TBC1D15: variants seen among roughly 807,000 people sequenced by gnomAD.
TBC1D15 encodes the protein TBC1 domain family member 15, also known as GAP for RAB7.
In TBC1D15, 39 loss-of-function variants were observed where a neutral mutation model predicts 95.4. The ratio of observed to expected loss-of-function variants is 0.41; its 90% CI spans 0.32 to 0.53. TBC1D15 has a LOEUF of 0.53. Ranked by LOEUF, TBC1D15 falls within the 20% of genes least tolerant of loss-of-function variation. TBC1D15 has a pLI of 0.29. For synonymous variants in TBC1D15, 258 were observed against 261.3 expected (o/e 0.99, Z 0.12); for missense variants, 733 against 794.3 (o/e 0.92, Z 0.93).
chr12:71,895,602 A>G (rs967289521), intron 7 of TBC1D15, among the ~76,000 whole-genome samples: 24 of 152,114 alleles, frequency 1.6e-4, no homozygotes, highest in African/African-American at 5.3e-4. Flanking sequence ...ATAATACAGC[A>G]TATCATTTGG....
chr12:71,862,959 T>C (rs1375190733), intron 1 of TBC1D15, among the ~76,000 whole-genome samples: 1 of 152,230 alleles, frequency 6.6e-6, no homozygotes, highest in South Asian at 2.1e-4. Context: ...GAAAAGACTT[T>C]TATTTCTCCC....
intron 5 of TBC1D15, among the ~76,000 whole-genome samples, chr12:71,885,878 A>G (rs943197945): frequency 6.6e-6 from 1 of 152,194 alleles, no homozygotes; most frequent in African/African-American, 2.4e-5. Context: ...GAGTACAAAC[A>G]TGATGTAATC....
At chr12:71,853,576 A>G (rs1888359231) in intron 1 of TBC1D15, among the ~76,000 whole-genome samples, 1 of 152,154 alleles carries the variant, frequency 6.6e-6, no homozygotes, top group Non-Finnish European at 1.5e-5. Flanking sequence ...TTTTTTTGTT[A>G]TAGGTCATAT....
intron 1 of TBC1D15, among the ~76,000 whole-genome samples, chr12:71,848,400 G>T (rs1384001613): frequency 1.3e-5 from 2 of 152,156 alleles, no homozygotes; most frequent in African/African-American, 4.8e-5. Flanking sequence ...GTGTAATAGT[G>T]TTTCATTATG....
At chr12:71,874,533 G>GAA (rs1025763493) in intron 3 of TBC1D15, among the ~76,000 whole-genome samples, 6 of 151,974 alleles carry the variant, frequency 3.9e-5, no homozygotes, top group African/African-American at 1.5e-4. Flanking sequence ...CACAGATACA[G>GAA]AACCCATGGC....
intron 4 of TBC1D15, among the ~76,000 whole-genome samples, chr12:71,883,299 T>C (rs1325893484): frequency 1.3e-5 from 2 of 152,136 alleles, no homozygotes; most frequent in African/African-American, 4.8e-5. Flanking sequence ...GAAGTGGTCT[T>C]ATGAGCTCTA....
intron 4 of TBC1D15, among the ~76,000 whole-genome samples, chr12:71,883,386 T>A (rs1211298756): frequency 6.6e-6 from 1 of 152,188 alleles, no homozygotes; most frequent in Non-Finnish European, 1.5e-5. Context: ...CTCTTACATG[T>A]GAGTTCACTG....
chr12:71,917,817 A>ACT lies in TBC1D15; in HGVS notation c.1501+21_1501+22dup. On this transcript the variant is annotated intron_variant, in intron 13 of 16. Coordinates refer to ENST00000485960, the MANE Select transcript of TBC1D15 (RefSeq NM_001146213.3). ...ACTTAGGTAAGTTTAGTGAATCAGA[A>ACT]CTATACCCAGCAAATTGTAGAGTAA... 6.7e-7 allele frequency: 1 copy of ACT among 1,501,622 alleles called. No individual in the cohort carries two copies. Among genetic ancestry groups the ACT allele is most frequent in the Non-Finnish European group, 9.3e-7 (1 of 1,080,294 alleles). 93.0% of individuals were successfully genotyped at this position (1,501,622 alleles called of 1,614,324 possible).
intron 15 of TBC1D15, 130 bp downstream of exon 15, chr12:71,920,977 G>A: frequency 1.5e-6 from 1 of 664,206 alleles, no homozygotes; most frequent in South Asian, 2.1e-5. Flanking sequence ...ACAGTGCTAG[G>A]AATGACTATC....
chr12:71,865,119 G>T (rs1236650510), intron 1 of TBC1D15, among the ~76,000 whole-genome samples: 2 of 152,122 alleles, frequency 1.3e-5, no homozygotes, highest in Non-Finnish European at 2.9e-5. Context: ...CTATGTGTAG[G>T]TGCTTGGAGC....
chr12:71,897,954 TAAC>T lies in TBC1D15; in HGVS notation c.1183+17_1183+19del, dbSNP rs771430608. On this transcript the variant is annotated intron_variant, in intron 10 of 16. Coordinates refer to ENST00000485960, the MANE Select transcript of TBC1D15 (RefSeq NM_001146213.3). ...AGAAGTCTTATCGGTAATTTTTTCT[TAAC>T]AACTTTGGAAATGCAAGGGGGGATT... 1.9e-6 allele frequency: 3 copies of T among 1,599,850 alleles called. No individual in the cohort carries two copies. The highest frequency in any genetic ancestry group is 2.6e-6 in the Non-Finnish European group (3 of 1,168,248).
intron 12 of TBC1D15, among the ~76,000 whole-genome samples, chr12:71,914,613 C>G (rs1225731660): frequency 6.6e-6 from 1 of 151,860 alleles, no homozygotes; most frequent in African/African-American, 2.4e-5. Flanking sequence ...TAGATAAAGG[C>G]AGATGAAGTC....
Position 71,872,957 on chromosome 12 carries a change from C to T in TBC1D15, c.158C>T (p.Pro53Leu), listed in dbSNP as rs1893003648. Residue 53 changes from proline to leucine, a missense_variant, in exon 3 of 17, where the codon CCA (proline) becomes CTA (leucine). Physicochemically the swap from Pro to Leu is moderately conservative, Grantham distance 98 (BLOSUM62 -3). Transcript: ENST00000485960. ...KDAEVIVDWRPLDDALDSSSI... is the reference protein window; with the variant it reads ...KDAEVIVDWRLLDDALDSSSI... ...GCCGAAGTAATAGTGGACTGGAGACCATTGGATGATGCATTAGATTCCTCT... is the reference window on the plus strand; with the variant it reads ...GCCGAAGTAATAGTGGACTGGAGACTATTGGATGATGCATTAGATTCCTCT... The T allele has an allele frequency of 6.2e-7, 1 of 1,609,196 alleles. No homozygotes were observed. Among genetic ancestry groups the T allele is most frequent in the East Asian group, 2.2e-5 (1 of 44,678 alleles).
intron 1 of TBC1D15, chr12:71,849,455 A>C: frequency 9.7e-7 from 1 of 1,026,334 alleles, no homozygotes; most frequent in Admixed American, 1.7e-5. Flanking sequence ...CTTCAAGGGA[A>C]GATTCCAAAC....
chr12:71,880,673 A>G, intron 4 of TBC1D15, 66 bp downstream of exon 4: 2 of 1,476,358 alleles, frequency 1.4e-6, no homozygotes, highest in South Asian at 3.0e-5. Context: ...CAAAAATGCA[A>G]AGAAGATTCG....
rs1380696812 is a variant in TBC1D15 at position 71,896,014 on chromosome 12, A to G, written c.923A>G (p.Asn308Ser). ...EPVSLEEWTKNIDSEGRILNV... is the reference protein window; with the variant it reads ...EPVSLEEWTKSIDSEGRILNV... ...GTATCACTGGAAGAATGGACTAAGA[A>G]CATTGATTCTGAAGGAAGAATTTTA... Residue 308 changes from asparagine (N) to serine (S), a missense_variant, in exon 8 of 17, where the codon AAC (asparagine) becomes AGC (serine). Physicochemically the swap from Asn to Ser is conservative, Grantham distance 46. Coordinates refer to ENST00000485960, the MANE Select transcript of TBC1D15 (RefSeq NM_001146213.3). 17 of 1,612,594 alleles carry G rather than the reference A, an allele frequency of 1.1e-5. No homozygotes were observed. The highest frequency in any genetic ancestry group is 1.7e-5 in the Admixed American group (1 of 59,906).
At chr12:71,840,680 A>G (rs1158297757) in intron 1 of TBC1D15, among the ~76,000 whole-genome samples, 1 of 152,204 alleles carries the variant, frequency 6.6e-6, no homozygotes, top group Non-Finnish European at 1.5e-5. Flanking sequence ...TCGAACACTA[A>G]TGGTTGTTTA....
chr12:71,878,531 T>A (rs1894444509), intron 3 of TBC1D15, among the ~76,000 whole-genome samples: 1 of 151,522 alleles, frequency 6.6e-6, no homozygotes. Flanking sequence ...TTTGTTTTTT[T>A]TTTTGGAGGA....
chr12:71,893,853 A>T (rs1388335867), intron 6 of TBC1D15, among the ~76,000 whole-genome samples: 1 of 151,698 alleles, frequency 6.6e-6, no homozygotes, highest in Non-Finnish European at 1.5e-5. Flanking sequence ...TGGTTTATTC[A>T]TTTATTTATT....
Sources: allele counts gnomAD v4.1 joint callset (sites outside exome capture counted in the v4.1 genomes callset), GRCh38; gene constraint gnomAD v4.1.1; transcripts MANE v1.5; gene names NCBI Gene and HGNC (gene_info 2026-07-23, HGNC 2026-07-21).